ASAP1: variants seen among roughly 807,000 people sequenced by gnomAD.
ASAP1 encodes arf-GAP with SH3 domain, ANK repeat and PH domain-containing protein 1.
A neutral mutation model predicts 145.2 loss-of-function variants in ASAP1; 43 were observed. The observed-to-expected ratio is 0.30, with a 90% CI of 0.23 to 0.38. The LOEUF (loss-of-function observed/expected upper bound fraction) is 0.38. Among genes scored for constraint, ASAP1 ranks in the 10% least tolerant of loss-of-function variants. The pLI, the probability that ASAP1 is intolerant of heterozygous loss-of-function variation, is 1.00. For synonymous variants in ASAP1, 546 were observed against 515.5 expected (o/e 1.06, Z -0.80); for missense variants, 1,018 against 1,355.3 (o/e 0.75, Z 3.91).
intron 10 of ASAP1, among the ~76,000 whole-genome samples, chr8:130,167,898 T>C (rs1038949250): frequency 3.3e-5 from 5 of 152,200 alleles, no homozygotes; most frequent in South Asian, 2.1e-4. Context: ...GCTTATATCA[T>C]TGAGATTATT....
intron 5 of ASAP1, among the ~76,000 whole-genome samples, chr8:130,201,844 CG>C (rs1269438626): frequency 2.0e-5 from 3 of 152,188 alleles, no homozygotes; most frequent in African/African-American, 7.2e-5. Flanking sequence ...ACTGTAACAT[CG>C]GATCACATTT....
intron 15 of ASAP1, among the ~76,000 whole-genome samples, chr8:130,131,026 A>G (rs562204372): frequency 8.5e-5 from 13 of 152,266 alleles, no homozygotes; most frequent in East Asian, 1.9e-4. Context: ...GCGTGGTGGC[A>G]CGCGCCTGTA....
intron 1 of ASAP1, among the ~76,000 whole-genome samples, chr8:130,431,213 G>T (rs1164321891): frequency 2.0e-5 from 3 of 152,084 alleles, no homozygotes; most frequent in Non-Finnish European, 4.4e-5. Context: ...GAGCATCAGA[G>T]CTGGCCTTCC....
At chr8:130,084,388 T>C (rs1232114854) in intron 25 of ASAP1, 1 of 152,252 alleles carries the variant, frequency 6.6e-6, no homozygotes, top group African/African-American at 2.4e-5. Context: ...TCAATCCCTT[T>C]TTCTCTCTCT....
intron 5 of ASAP1, among the ~76,000 whole-genome samples, chr8:130,189,259 T>A (rs1814967785): frequency 6.6e-6 from 1 of 152,166 alleles, no homozygotes; most frequent in Admixed American, 6.5e-5. Context: ...TAGACTGTGT[T>A]ACTTCTATCT....
intron 13 of ASAP1, among the ~76,000 whole-genome samples, chr8:130,139,681 G>A (rs1011043007): frequency 2.0e-5 from 3 of 151,386 alleles, no homozygotes; most frequent in African/African-American, 7.3e-5. Flanking sequence ...GTAAGCCAAA[G>A]TCACGCCATT....
At chr8:130,310,173 TAAAG>T (rs1212845189) in intron 3 of ASAP1, among the ~76,000 whole-genome samples, 1 of 150,048 alleles carries the variant, frequency 6.7e-6, no homozygotes, top group Non-Finnish European at 1.5e-5. Context: ...GGGGAGGAGA[TAAAG>T]ATAGAGGGAT....
In ASAP1 at chr8:130,070,076, G is replaced by A. The variant is rs562877204; in HGVS notation, c.2701+6272C>T. Among the ~76,000 whole-genome samples, 9 of 151,986 alleles carry A rather than the reference G, an allele frequency of 5.9e-5. No homozygotes were observed. The South Asian group carries it at 6.2e-4, about 11-fold the overall frequency. ...TTTTGAGACGGAGTCTCACTCTGTC[G>A]CCCAGGCTGGAGTGCAGTGGCGCAA... is the stretch of plus-strand genomic sequence containing the variant. On this transcript the variant is annotated intron_variant, in intron 27 of 29. Coordinates refer to ENST00000518721, the MANE Select transcript of ASAP1 (RefSeq NM_018482.4).
intron 1 of ASAP1, among the ~76,000 whole-genome samples, chr8:130,421,765 G>A (rs1250291020): frequency 3.3e-5 from 5 of 152,168 alleles, no homozygotes; most frequent in African/African-American, 7.2e-5. Flanking sequence ...AATAAACATC[G>A]TGGGGACTAT....
At chr8:130,405,433 T>C (rs528993872) in intron 1 of ASAP1, among the ~76,000 whole-genome samples, 2 of 152,362 alleles carry the variant, frequency 1.3e-5, no homozygotes, top group African/African-American at 2.4e-5. Context: ...GAGTCTGTGA[T>C]GTACCAACCT....
chr8:130,198,167 T>C (rs1031710528), intron 5 of ASAP1, among the ~76,000 whole-genome samples: 6 of 151,034 alleles, frequency 4.0e-5, no homozygotes, highest in African/African-American at 1.5e-4. Context: ...AGAGTCTTAC[T>C]CTGTCATCCA....
At chr8:130,269,138 A>G (rs967859556) in intron 3 of ASAP1, among the ~76,000 whole-genome samples, 3 of 152,234 alleles carry the variant, frequency 2.0e-5, no homozygotes, top group African/African-American at 7.2e-5. Context: ...TTTCAAATAC[A>G]TACAACTAAA....
At chr8:130,222,138 A>T (rs2136507807) in intron 4 of ASAP1, among the ~76,000 whole-genome samples, 1 of 152,360 alleles carries the variant, frequency 6.6e-6, no homozygotes, top group Non-Finnish European at 1.5e-5. Flanking sequence ...TTAGGAATAC[A>T]TTAAAATTCA....
At chr8:130,365,106 AAGCAAGGACAGAAGATTCCTGG>A (rs1382084655) in intron 2 of ASAP1, among the ~76,000 whole-genome samples, 1 of 152,068 alleles carries the variant, frequency 6.6e-6, no homozygotes, top group Non-Finnish European at 1.5e-5. Context: ...CCAGCAACTA[AAGCAAGGACAGAAGATTCCTGG>A]AGCCCCAGGC....
chr8:130,094,550 A>G (rs1335194357), intron 24 of ASAP1, among the ~76,000 whole-genome samples: 1 of 152,034 alleles, frequency 6.6e-6, no homozygotes, highest in Non-Finnish European at 1.5e-5. Context: ...GAATAGTTGT[A>G]CCTCTTCATT....
chr8:130,345,461 ATG>A (rs1320338821), intron 3 of ASAP1, among the ~76,000 whole-genome samples: 1 of 152,098 alleles, frequency 6.6e-6, no homozygotes, highest in Non-Finnish European at 1.5e-5. Context: ...GTGTCTCTGT[ATG>A]TGTGTTTGTT....
chr8:130,357,850 T>C (rs1258282859), intron 3 of ASAP1, among the ~76,000 whole-genome samples, 167 bp downstream of exon 3: 1 of 152,108 alleles, frequency 6.6e-6, no homozygotes, highest in Non-Finnish European at 1.5e-5. Flanking sequence ...GGCGAGGAGA[T>C]GGGGAAGGCG....
At chr8:130,083,454 G>A (rs912682029) in intron 25 of ASAP1, 1 of 152,170 alleles carries the variant, frequency 6.6e-6, no homozygotes, top group Non-Finnish European at 1.5e-5. Flanking sequence ...GTTAATTAGG[G>A]GTGCAGATTT....
chr8:130,442,832 G>A (rs577648726), intron 1 of ASAP1, among the ~76,000 whole-genome samples: 3 of 152,180 alleles, frequency 2.0e-5, no homozygotes, highest in East Asian at 1.9e-4. Context: ...GAAACTTCAT[G>A]TCGCTCTCAG....
Sources: allele counts gnomAD v4.1 joint callset (sites outside exome capture counted in the v4.1 genomes callset), GRCh38; gene constraint gnomAD v4.1.1; transcripts MANE v1.5; gene names NCBI Gene and HGNC (gene_info 2026-07-23, HGNC 2026-07-21).